Variants in PGM5 observed in about 807,000 individuals in gnomAD.
PGM5 encodes phosphoglucomutase 5, also known as phosphoglucomutase-like protein 5.
Under a neutral mutation model 59.2 loss-of-function variants are expected in PGM5, and 23 were observed. The observed-to-expected ratio is 0.39, with a 90% CI of 0.28 to 0.55. The LOEUF (loss-of-function observed/expected upper bound fraction) is 0.55, where lower values mean the gene tolerates loss of function less well. Ranked by LOEUF, PGM5 falls within the 20% of genes least tolerant of loss-of-function variation. The pLI, the probability that PGM5 is intolerant of heterozygous loss-of-function variation, is 0.66. For synonymous variants in PGM5, 214 were observed against 286.0 expected, an observed-to-expected ratio of 0.75 and a Z score of 2.54; for missense variants, 574 against 748.3, an observed-to-expected ratio of 0.77 and a Z score of 2.72.
At chr9:68,512,836 G>A (rs782148253) in intron 10 of PGM5, among the ~76,000 whole-genome samples, 1 of 152,202 alleles carries the variant, frequency 6.6e-6, no homozygotes, top group Non-Finnish European at 1.5e-5. Context: ...TGCCACTGTT[G>A]CACAAAAGCC....
intron 6 of PGM5, among the ~76,000 whole-genome samples, chr9:68,451,294 A>G (rs781957443): frequency 2.6e-5 from 4 of 152,370 alleles, no homozygotes; most frequent in Non-Finnish European, 5.9e-5. Flanking sequence ...ACATGTTGTC[A>G]CTTTATTCTT....
chr9:68,411,256 C>T (rs1383206080), intron 6 of PGM5, among the ~76,000 whole-genome samples: 12 of 151,736 alleles, frequency 7.9e-5, no homozygotes, highest in South Asian at 2.1e-4. Context: ...GCCCATTAGC[C>T]GGGTGTGCCT....
chr9:68,484,324 C>T (rs1797815759), intron 9 of PGM5, among the ~76,000 whole-genome samples: 1 of 145,242 alleles, frequency 6.9e-6, no homozygotes, highest in Non-Finnish European at 1.5e-5. Context: ...CTTTTGAGCT[C>T]AGGAGTTCAA....
At chr9:68,523,885 C>T (rs895206408) in intron 10 of PGM5, among the ~76,000 whole-genome samples, 11 of 151,916 alleles carry the variant, frequency 7.2e-5, no homozygotes, top group Admixed American at 3.3e-4. Flanking sequence ...TGTTTTCCTC[C>T]GAAAAATCAG....
At chr9:68,365,439 T>C (rs1308620981) in intron 1 of PGM5, among the ~76,000 whole-genome samples, 1 of 151,074 alleles carries the variant, frequency 6.6e-6, no homozygotes, top group Non-Finnish European at 1.5e-5. Context: ...ACTCTCTTAG[T>C]TATGAATAAG....
chr9:68,436,718 G>A (rs1554683394), intron 6 of PGM5, among the ~76,000 whole-genome samples: 1 of 152,152 alleles, frequency 6.6e-6, no homozygotes, highest in Non-Finnish European at 1.5e-5. Flanking sequence ...TTGAGTTGAG[G>A]CTTTTTTCCT....
intron 7 of PGM5, among the ~76,000 whole-genome samples, chr9:68,477,201 C>T (rs1015926289): frequency 6.6e-6 from 1 of 152,198 alleles, no homozygotes; most frequent in Non-Finnish European, 1.5e-5. Context: ...GAGGCAACCA[C>T]AACTGGACAT....
chr9:68,392,787 G>A (rs1249432341), intron 6 of PGM5, among the ~76,000 whole-genome samples: 1 of 152,044 alleles, frequency 6.6e-6, no homozygotes, highest in Non-Finnish European at 1.5e-5. Context: ...GGTGCTTCAT[G>A]TAGAACATTT....
intron 6 of PGM5, among the ~76,000 whole-genome samples, chr9:68,452,261 G>T (rs1321821189): frequency 1.3e-5 from 2 of 152,168 alleles, no homozygotes; most frequent in Non-Finnish European, 2.9e-5. Flanking sequence ...AGGCTTGCTT[G>T]TTTTCTGGCA....
intron 10 of PGM5, among the ~76,000 whole-genome samples, chr9:68,504,110 C>G (rs1824619960): frequency 6.6e-6 from 1 of 152,308 alleles, no homozygotes; most frequent in East Asian, 1.9e-4. Flanking sequence ...GTAGAATGAG[C>G]AGCACCTGTT....
At chr9:68,470,011 G>A (rs1237159016) in intron 7 of PGM5, among the ~76,000 whole-genome samples, 1 of 152,078 alleles carries the variant, frequency 6.6e-6, no homozygotes, top group Non-Finnish European at 1.5e-5. Context: ...GATGGGGAGA[G>A]ATGTTATGAA....
intron 8 of PGM5, among the ~76,000 whole-genome samples, chr9:68,482,508 C>T (rs1294676104): frequency 3.9e-5 from 6 of 152,140 alleles, no homozygotes; most frequent in African/African-American, 1.4e-4. Context: ...CCATATTTTG[C>T]ATCTTGGCTA....
intron 6 of PGM5, among the ~76,000 whole-genome samples, chr9:68,418,990 A>G (rs1823083752): frequency 6.6e-6 from 1 of 152,204 alleles, no homozygotes; most frequent in African/African-American, 2.4e-5. Context: ...GCCCGTTTCA[A>G]AATGGCTGGA....
chr9:68,502,250 T>C (rs1824586231), intron 10 of PGM5, among the ~76,000 whole-genome samples: 1 of 152,156 alleles, frequency 6.6e-6, no homozygotes, highest in South Asian at 2.1e-4. Flanking sequence ...TACAAGTTTA[T>C]TTTAATTTTA....
At chr9:68,479,315 A>G (rs1295960099) in intron 7 of PGM5, 103 bp from the exon 8 acceptor site, 4 of 1,058,138 alleles carry the variant, frequency 3.8e-6, no homozygotes, top group African/African-American at 1.6e-5. Flanking sequence ...TGATCCAATC[A>G]TTTCTACATA....
intron 1 of PGM5, among the ~76,000 whole-genome samples, chr9:68,363,488 T>C (rs1554676431): frequency 6.6e-6 from 1 of 152,302 alleles, no homozygotes; most frequent in Non-Finnish European, 1.5e-5. Flanking sequence ...AGTCAGACTG[T>C]TACAACCCAA....
intron 6 of PGM5, among the ~76,000 whole-genome samples, chr9:68,408,608 C>G (rs1444605193): frequency 4.6e-5 from 7 of 152,120 alleles, no homozygotes; most frequent in Non-Finnish European, 7.4e-5. Context: ...TTTGGCTTTT[C>G]TTGCCATTGC....
intron 6 of PGM5, among the ~76,000 whole-genome samples, chr9:68,395,024 A>G (rs1418905002): frequency 6.6e-6 from 1 of 152,130 alleles, no homozygotes; most frequent in Non-Finnish European, 1.5e-5. Context: ...TGATTATTAT[A>G]TATGTCTTTG....
chr9:68,521,404 A>G (rs1483876231), intron 10 of PGM5, among the ~76,000 whole-genome samples: 1 of 152,224 alleles, frequency 6.6e-6, no homozygotes, highest in African/African-American at 2.4e-5. Context: ...GAAGAAAGGG[A>G]GGAAAAGGAG....
Sources: allele counts gnomAD v4.1 joint callset (sites outside exome capture counted in the v4.1 genomes callset), GRCh38; gene constraint gnomAD v4.1.1; transcripts MANE v1.5; gene names NCBI Gene and HGNC (gene_info 2026-07-23, HGNC 2026-07-21).